CDK6: variants seen among roughly 807,000 people sequenced by gnomAD.
CDK6 encodes cyclin-dependent kinase 6.
A neutral mutation model predicts 37.1 loss-of-function variants in CDK6; 6 were observed. The ratio of observed to expected loss-of-function variants is 0.16; its 90% CI spans 0.09 to 0.32. CDK6 has a LOEUF of 0.32. Ranked by LOEUF, CDK6 falls within the 10% of genes least tolerant of loss-of-function variation. The probability of loss-of-function intolerance (pLI) is 1.00; values close to 1 mark genes in which losing one functional copy is unlikely to be tolerated. For synonymous variants in CDK6, 160 were observed against 161.3 expected, an observed-to-expected ratio of 0.99 and a Z score of 0.06; for missense variants, 224 against 418.9, an observed-to-expected ratio of 0.53 and a Z score of 4.06.
At chr7:92,720,162 G>A (rs1479629979) in intron 4 of CDK6, among the ~76,000 whole-genome samples, 4 of 152,164 alleles carry the variant, frequency 2.6e-5, no homozygotes, top group Non-Finnish European at 5.9e-5. Context: ...TGTGGCATGA[G>A]CTAGTTGTCT....
intron 3 of CDK6, among the ~76,000 whole-genome samples, chr7:92,748,470 GA>G (rs2115666538): frequency 6.6e-6 from 1 of 152,284 alleles, no homozygotes; most frequent in South Asian, 2.1e-4. Context: ...GACGTAACTA[GA>G]AAATACACAA....
At chr7:92,822,167 A>G (rs1801189521) in intron 2 of CDK6, among the ~76,000 whole-genome samples, 1 of 152,134 alleles carries the variant, frequency 6.6e-6, no homozygotes, top group Admixed American at 6.6e-5. Context: ...AAACATGTAA[A>G]TTCAATCTGC....
chr7:92,775,931 T>G (rs1200020071), intron 2 of CDK6, among the ~76,000 whole-genome samples: 1 of 152,136 alleles, frequency 6.6e-6, no homozygotes, highest in Non-Finnish European at 1.5e-5. Flanking sequence ...TTTTATTATA[T>G]TTTAAGTTCT....
chr7:92,616,312 G>A (rs1585338180), intron 7 of CDK6, among the ~76,000 whole-genome samples: 1 of 152,210 alleles, frequency 6.6e-6, no homozygotes, highest in African/African-American at 2.4e-5. Context: ...ACTGGATTAG[G>A]GACCTCTCTA....
At chr7:92,818,865 A>ATG (rs1480970877) in intron 2 of CDK6, among the ~76,000 whole-genome samples, 1 of 152,078 alleles carries the variant, frequency 6.6e-6, no homozygotes, top group Non-Finnish European at 1.5e-5. Context: ...TAAAATCACA[A>ATG]TGTGTTATTA....
At chr7:92,827,906 T>C (rs1338644616) in intron 2 of CDK6, among the ~76,000 whole-genome samples, 1 of 152,162 alleles carries the variant, frequency 6.6e-6, no homozygotes, top group Admixed American at 6.5e-5. Context: ...AACACATATT[T>C]GCTTATGTGT....
At chr7:92,788,915 G>C (rs533842754) in intron 2 of CDK6, among the ~76,000 whole-genome samples, 1 of 152,232 alleles carries the variant, frequency 6.6e-6, no homozygotes, top group African/African-American at 2.4e-5. Context: ...CTAGGAGTTT[G>C]AGACCTGCCT....
chr7:92,743,044 C>T (rs1174753940), intron 3 of CDK6, among the ~76,000 whole-genome samples: 17 of 151,090 alleles, frequency 1.1e-4, no homozygotes, highest in Admixed American at 1.1e-3. Flanking sequence ...AGTTTGCTGC[C>T]CTTTCTCGGT....
At chr7:92,799,120 C>T (rs754795038) in intron 2 of CDK6, among the ~76,000 whole-genome samples, 5 of 152,192 alleles carry the variant, frequency 3.3e-5, no homozygotes, top group Non-Finnish European at 7.3e-5. Flanking sequence ...TGTCATTCTG[C>T]CAGCCACATT....
intron 2 of CDK6, among the ~76,000 whole-genome samples, chr7:92,814,091 T>A (rs1018477183): frequency 6.6e-6 from 1 of 152,220 alleles, no homozygotes; most frequent in African/African-American, 2.4e-5. Context: ...TTTGTTTCCC[T>A]TAAGAAAAAT....
At chr7:92,819,546 G>A (rs547358894) in intron 2 of CDK6, among the ~76,000 whole-genome samples, 33 of 152,040 alleles carry the variant, frequency 2.2e-4, no homozygotes, top group South Asian at 2.1e-3. Context: ...CCTTTAGCTC[G>A]TTTTGACTTT....
rs1467366326 is a variant in CDK6, at chr7:92,605,334, A to C, written c.*9806T>G. 4.3e-6 allele frequency: 1 copy of C among 233,444 alleles called. No homozygotes were observed. Among genetic ancestry groups the C allele is most frequent in the Non-Finnish European group, 8.5e-6 (1 of 117,978 alleles). 14.5% of individuals were successfully genotyped at this position (233,444 alleles called of 1,614,324 possible). ...CATGTTACCTTTGCCACTGCAACAG[A>C]AACACCACTGCAGTTCTCCCTTTCC... On this transcript the variant is annotated 3_prime_UTR_variant, in exon 8 of 8. Coordinates refer to ENST00000424848, the MANE Select transcript of CDK6 (RefSeq NM_001145306.2).
At chr7:92,728,189 G>A (rs1247571125) in intron 3 of CDK6, among the ~76,000 whole-genome samples, 2 of 152,112 alleles carry the variant, frequency 1.3e-5, no homozygotes, top group Non-Finnish European at 2.9e-5. Context: ...CATGCTTAAT[G>A]CAGAAACTAA....
intron 3 of CDK6, among the ~76,000 whole-genome samples, chr7:92,759,370 T>C (rs1359002495): frequency 6.6e-6 from 1 of 152,172 alleles, no homozygotes; most frequent in Non-Finnish European, 1.5e-5. Flanking sequence ...CTTTAACCTG[T>C]GTTTCAGATT....
At chr7:92,799,111 G>A (rs1800497333) in intron 2 of CDK6, among the ~76,000 whole-genome samples, 1 of 151,988 alleles carries the variant, frequency 6.6e-6, no homozygotes, top group South Asian at 2.1e-4. Context: ...CTATCAGATT[G>A]TCATTCTGCC....
chr7:92,760,806 A>G (rs940589378), intron 3 of CDK6, among the ~76,000 whole-genome samples: 1 of 152,144 alleles, frequency 6.6e-6, no homozygotes, highest in Non-Finnish European at 1.5e-5. Flanking sequence ...TTAGGCAATT[A>G]TTCTTCAACA....
intron 4 of CDK6, among the ~76,000 whole-genome samples, chr7:92,719,163 T>G (rs1403162441): frequency 6.6e-6 from 1 of 152,176 alleles, no homozygotes; most frequent in Non-Finnish European, 1.5e-5. Context: ...AGGGTACATG[T>G]GCAGGATGTA....
At chr7:92,693,678 G>C (rs920180395) in intron 4 of CDK6, among the ~76,000 whole-genome samples, 1 of 152,118 alleles carries the variant, frequency 6.6e-6, no homozygotes, top group Non-Finnish European at 1.5e-5. Context: ...TACATTTACA[G>C]TCAATCTTTC....
At chr7:92,648,673 A>G (rs2116552844) in intron 5 of CDK6, among the ~76,000 whole-genome samples, 1 of 152,342 alleles carries the variant, frequency 6.6e-6, no homozygotes, top group East Asian at 1.9e-4. Context: ...TGCCCAGTTC[A>G]ATACGTATTG....
Sources: gnomAD v4.1 joint callset for allele counts (sites outside exome capture counted in the v4.1 genomes callset) on GRCh38, gnomAD v4.1.1 for gene constraint, MANE v1.5 for transcripts, NCBI Gene and HGNC (gene_info 2026-07-23, HGNC 2026-07-21) for gene names.